TBC1D12: variants seen among roughly 807,000 people sequenced by gnomAD.
TBC1D12 encodes TBC1 domain family member 12, also known as TBC1 domain family, member 12.
Under a neutral mutation model 86.7 loss-of-function variants are expected in TBC1D12, and 56 were observed. The ratio of observed to expected loss-of-function variants is 0.65; its 90% CI spans 0.52 to 0.81. The LOEUF (loss-of-function observed/expected upper bound fraction) is 0.81. TBC1D12 is among the 30% of genes least tolerant of loss of function. The probability of loss-of-function intolerance (pLI) is 0.00; values close to 1 mark genes in which losing one functional copy is unlikely to be tolerated. For synonymous variants in TBC1D12, 421 were observed against 411.7 expected (o/e 1.02, Z -0.27); for missense variants, 1,023 against 1,038.8 (o/e 0.98, Z 0.21).
intron 1 of TBC1D12, among the ~76,000 whole-genome samples, chr10:94,438,262 C>T (rs2055332993): frequency 6.6e-6 from 1 of 151,634 alleles, no homozygotes; most frequent in Admixed American, 6.6e-5. Context: ...CTGTTTGTGA[C>T]TTTACAAGCT....
At chr10:94,447,329 T>TAC (rs986274704) in intron 2 of TBC1D12, among the ~76,000 whole-genome samples, 6 of 151,846 alleles carry the variant, frequency 4.0e-5, no homozygotes, top group Non-Finnish European at 7.4e-5. Context: ...TGTATATATA[T>TAC]ACACACACAC....
At chr10:94,476,870 T>G (rs1409853301) in intron 3 of TBC1D12, among the ~76,000 whole-genome samples, 1 of 152,186 alleles carries the variant, frequency 6.6e-6, no homozygotes, top group Non-Finnish European at 1.5e-5. Context: ...TTTCTACTTC[T>G]TACTTACTCA....
intron 11 of TBC1D12, among the ~76,000 whole-genome samples, chr10:94,523,247 C>T (rs1459597563): frequency 1.4e-5 from 2 of 138,996 alleles, no homozygotes; most frequent in African/African-American, 5.2e-5. Flanking sequence ...AAATCAGAAT[C>T]TCTCAGTTTG....
chr10:94,411,114 G>T (rs1174440853), intron 1 of TBC1D12, among the ~76,000 whole-genome samples: 1 of 152,034 alleles, frequency 6.6e-6, no homozygotes, highest in East Asian at 1.9e-4. Context: ...GTTTCTTTTA[G>T]CAAAGGTCTA....
rs563018270 is a variant in TBC1D12, at chr10:94,403,387, G to C, written c.774G>C (p.Gly258=). ...CCACCTCGGCCGAGAGGACTAATGG[G>C]GGTGCGGAGCCGCGCCTGGGCTTTT... ...PPATSAERTN[G]GAEPRLGFSD... The change falls in exon 1 of 13, where the codon GGG becomes GGC. Residue 258 remains glycine (G), a synonymous_variant. Coordinates refer to ENST00000225235, the MANE Select transcript of TBC1D12 (RefSeq NM_015188.2). The C allele has an allele frequency of 1.4e-4, 220 of 1,544,894 alleles. 2 individuals carry two copies. In the East Asian group the frequency reaches 5.2e-3, roughly 37 times the overall value.
intron 1 of TBC1D12, among the ~76,000 whole-genome samples, chr10:94,434,103 G>A (rs2055258594): frequency 6.6e-6 from 1 of 152,214 alleles, no homozygotes; most frequent in Non-Finnish European, 1.5e-5. Context: ...AGTCTGAAAT[G>A]TTTATCCATT....
At chr10:94,488,160 T>TGAA (rs1220143874) in intron 3 of TBC1D12, among the ~76,000 whole-genome samples, 1 of 151,804 alleles carries the variant, frequency 6.6e-6, no homozygotes, top group Non-Finnish European at 1.5e-5. Context: ...CTGAGGCAGG[T>TGAA]GAATCACTTG....
chr10:94,501,709 GC>G (rs2056400053), intron 6 of TBC1D12, among the ~76,000 whole-genome samples: 1 of 151,456 alleles, frequency 6.6e-6, no homozygotes, highest in Non-Finnish European at 1.5e-5. Flanking sequence ...ACCACGCCTG[GC>G]TAATTTTTTG....
At chr10:94,440,286 A>G (rs2055361137) in intron 1 of TBC1D12, among the ~76,000 whole-genome samples, 1 of 151,796 alleles carries the variant, frequency 6.6e-6, no homozygotes, top group Non-Finnish European at 1.5e-5. Flanking sequence ...GTCCCACCCT[A>G]GCCTCCCAAG....
At chr10:94,526,809 A>G (rs185642531) in intron 11 of TBC1D12, among the ~76,000 whole-genome samples, 11 of 152,300 alleles carry the variant, frequency 7.2e-5, no homozygotes, top group Admixed American at 3.3e-4. Context: ...AGGAATCGCC[A>G]TACTGTTCTC....
intron 11 of TBC1D12, among the ~76,000 whole-genome samples, 194 bp downstream of exon 11, chr10:94,522,647 C>T (rs1842179859): frequency 6.6e-6 from 1 of 152,030 alleles, no homozygotes; most frequent in Non-Finnish European, 1.5e-5. Flanking sequence ...GGTGTGGTGG[C>T]TCATGTCTGT....
At chr10:94,483,777 A>G (rs2056116636) in intron 3 of TBC1D12, among the ~76,000 whole-genome samples, 1 of 151,284 alleles carries the variant, frequency 6.6e-6, no homozygotes, top group South Asian at 2.1e-4. Context: ...AAACATTTTT[A>G]ACTTGATGTG....
chr10:94,462,800 T>C (rs2055749794), intron 2 of TBC1D12, among the ~76,000 whole-genome samples: 1 of 152,214 alleles, frequency 6.6e-6, no homozygotes, highest in Non-Finnish European at 1.5e-5. Flanking sequence ...ATCTTCTCTT[T>C]TTCATTCATC....
intron 11 of TBC1D12, among the ~76,000 whole-genome samples, chr10:94,523,196 A>AAG (rs1255318752): frequency 6.8e-6 from 1 of 147,808 alleles, no homozygotes; most frequent in African/African-American, 2.5e-5. Context: ...CTATCTCAAA[A>AAG]AAAAAAAAAA....
chr10:94,514,470 A>G (rs2056565209), intron 9 of TBC1D12, among the ~76,000 whole-genome samples: 1 of 152,270 alleles, frequency 6.6e-6, no homozygotes, highest in South Asian at 2.1e-4. Context: ...CTTTGCTTCT[A>G]TGAGTTCAGT....
intron 5 of TBC1D12, among the ~76,000 whole-genome samples, chr10:94,499,962 A>G (rs958547577): frequency 3.3e-5 from 5 of 152,162 alleles, no homozygotes; most frequent in African/African-American, 1.2e-4. Context: ...TTGACTGCAT[A>G]TTTCTGATTC....
At chr10:94,487,573 A>G (rs2056184185) in intron 3 of TBC1D12, among the ~76,000 whole-genome samples, 1 of 152,104 alleles carries the variant, frequency 6.6e-6, no homozygotes, top group Non-Finnish European at 1.5e-5. Context: ...TAAGCAAACA[A>G]ACTAGCAAAA....
chr10:94,453,556 A>G (rs888392377), intron 2 of TBC1D12, among the ~76,000 whole-genome samples: 3 of 152,152 alleles, frequency 2.0e-5, no homozygotes, highest in Admixed American at 6.5e-5. Flanking sequence ...GGAAAAAAGC[A>G]CATAGAGGGT....
At chr10:94,404,563 T>G (rs2054824550) in intron 1 of TBC1D12, among the ~76,000 whole-genome samples, 1 of 151,602 alleles carries the variant, frequency 6.6e-6, no homozygotes, top group South Asian at 2.1e-4. Context: ...GGAGAATCAC[T>G]TGAACCTGGG....
Sources: allele counts gnomAD v4.1 joint callset (sites outside exome capture counted in the v4.1 genomes callset), GRCh38; gene constraint gnomAD v4.1.1; transcripts MANE v1.5; gene names NCBI Gene and HGNC (gene_info 2026-07-23, HGNC 2026-07-21).